The following CSMD3 variants were observed in gnomAD, a reference collection of about 807,000 sequenced individuals.
CSMD3 encodes the protein CUB and Sushi multiple domains 3, also known as CUB and sushi domain-containing protein 3.
Under a neutral mutation model 435.2 loss-of-function variants are expected in CSMD3, and 177 were observed. The observed-to-expected ratio is 0.41, with a 90% CI of 0.36 to 0.46. The LOEUF (loss-of-function observed/expected upper bound fraction) is 0.46, where lower values mean the gene tolerates loss of function less well. CSMD3 is among the 20% of genes least tolerant of loss of function. The probability of loss-of-function intolerance (pLI) is 0.34; values close to 1 mark genes in which losing one functional copy is unlikely to be tolerated. For missense variants in CSMD3, 4,265 were observed against 4,504.6 expected (o/e 0.95, Z 1.52); for synonymous variants, 1,656 against 1,520.5 (o/e 1.09, Z -2.07).
chr8:113,203,766 C>T (rs977791212), intron 3 of CSMD3, among the ~76,000 whole-genome samples: 2 of 152,010 alleles, frequency 1.3e-5, no homozygotes, highest in Non-Finnish European at 2.9e-5. Flanking sequence ...TTGTAGATAA[C>T]ATGTACAGAC....
At chr8:113,343,896 T>C (rs1358977740) in intron 1 of CSMD3, among the ~76,000 whole-genome samples, 1 of 152,138 alleles carries the variant, frequency 6.6e-6, no homozygotes, top group Non-Finnish European at 1.5e-5. Flanking sequence ...CGTTATAATC[T>C]ATCTTATAAT....
At chr8:113,124,740 G>A (rs1200074896) in intron 4 of CSMD3, among the ~76,000 whole-genome samples, 1 of 151,864 alleles carries the variant, frequency 6.6e-6, no homozygotes, top group Non-Finnish European at 1.5e-5. Context: ...GCTTAATAAG[G>A]ACACTTGCCT....
At chr8:113,412,947 A>G (rs2094565898) in intron 1 of CSMD3, among the ~76,000 whole-genome samples, 1 of 152,146 alleles carries the variant, frequency 6.6e-6, no homozygotes, top group Non-Finnish European at 1.5e-5. Flanking sequence ...GTAATCACAA[A>G]TACGAGTGAA....
In CSMD3 at chr8:112,224,809, A is replaced by G. The variant is rs778227550; in HGVS notation, c.11086T>C (p.Phe3696Leu). The G allele has an allele frequency of 1.1e-5, 18 of 1,613,918 alleles. No individual in the cohort carries two copies. Among genetic ancestry groups the G allele is most frequent in the Non-Finnish European group, 1.4e-5 (16 of 1,179,920 alleles). ...AKSVEGKAVR[F>L]DPNLNTVCTM... is the part of the protein sequence containing the mutation. ...CAAACCGTGTTCAAGTTGGGATCAA[A>G]TCGTACCGCCTTCCCTTCCACTGAC... The change falls in exon 71 of 71, where the codon TTT (phenylalanine) becomes CTT (leucine). Residue 3696 changes from phenylalanine (F) to leucine (L), a missense_variant. By Grantham distance (22) the Phe-to-Leu change is conservative. Coordinates refer to ENST00000297405, the MANE Select transcript of CSMD3 (RefSeq NM_198123.2).
At chr8:112,648,796 C>T (rs974194651) in intron 19 of CSMD3, among the ~76,000 whole-genome samples, 10 of 152,134 alleles carry the variant, frequency 6.6e-5, no homozygotes, top group Admixed American at 6.5e-4. Flanking sequence ...TCAGGCCAAC[C>T]TTGTAGCTTT....
chr8:112,469,964 G>GA (rs892421163), intron 32 of CSMD3, among the ~76,000 whole-genome samples: 27 of 152,156 alleles, frequency 1.8e-4, no homozygotes, highest in South Asian at 4.1e-4. Context: ...CGTGGCAACA[G>GA]AAAAAAATTA....
intron 32 of CSMD3, among the ~76,000 whole-genome samples, chr8:112,417,810 C>T (rs1812073427): frequency 1.3e-5 from 2 of 152,114 alleles, no homozygotes; most frequent in East Asian, 1.9e-4. Context: ...ATCTTAATTC[C>T]TTCTGTTTCA....
intron 10 of CSMD3, among the ~76,000 whole-genome samples, chr8:112,892,851 C>T (rs1334850333): frequency 1.3e-5 from 2 of 151,302 alleles, no homozygotes; most frequent in Admixed American, 1.3e-4. Context: ...TGTTGCCTAC[C>T]TTAGAATGCG....
chr8:112,476,135 T>C (rs1473903395), intron 31 of CSMD3, among the ~76,000 whole-genome samples: 1 of 152,176 alleles, frequency 6.6e-6, no homozygotes. Flanking sequence ...AACCTCCACC[T>C]CCCAGGTTCA....
intron 11 of CSMD3, among the ~76,000 whole-genome samples, chr8:112,838,113 A>G (rs1482623234): frequency 6.6e-6 from 1 of 151,726 alleles, no homozygotes; most frequent in African/African-American, 2.4e-5. Context: ...ATCCAGTTGG[A>G]GACTATAGAG....
At position 112,944,155 on chromosome 8, in the gene CSMD3, A is replaced by T. The variant is rs1232515769; in HGVS notation, c.1508+3635T>A. Among the ~76,000 whole-genome samples the T allele has an allele frequency of 2.0e-5, 3 of 151,600 alleles. No individual in the cohort carries two copies. The Admixed American group carries it at 2.0e-4, about 10-fold the overall frequency. On this transcript the variant is annotated intron_variant, in intron 9 of 70. Transcript: ENST00000297405. ...CTCTCAGTCTTAAACTTTCTCTCCC[A>T]TCCATCCTCATCTCCTTATACACAC...
At chr8:112,512,238 T>C (rs899879859) in intron 28 of CSMD3, among the ~76,000 whole-genome samples, 1 of 152,244 alleles carries the variant, frequency 6.6e-6, no homozygotes, top group Non-Finnish European at 1.5e-5. Context: ...TTTGCTCAGA[T>C]GCATCAGATA....
intron 32 of CSMD3, among the ~76,000 whole-genome samples, chr8:112,417,465 T>C (rs1310410118): frequency 6.6e-6 from 1 of 152,186 alleles, no homozygotes; most frequent in Non-Finnish European, 1.5e-5. Flanking sequence ...GCTTTGTAAA[T>C]ATATATGTTC....
intron 9 of CSMD3, among the ~76,000 whole-genome samples, chr8:112,928,589 C>A (rs1436054385): frequency 1.3e-5 from 2 of 151,186 alleles, no homozygotes; most frequent in Non-Finnish European, 2.9e-5. Context: ...TTTCCAATTT[C>A]ATCCATGTCC....
At chr8:113,073,176 C>G (rs902201263) in intron 5 of CSMD3, among the ~76,000 whole-genome samples, 1 of 151,746 alleles carries the variant, frequency 6.6e-6, no homozygotes, top group African/African-American at 2.4e-5. Flanking sequence ...ATTTGAGATT[C>G]AACATACTAT....
chr8:113,139,961 T>C (rs543708374), intron 4 of CSMD3, among the ~76,000 whole-genome samples: 3 of 151,156 alleles, frequency 2.0e-5, no homozygotes, highest in African/African-American at 4.8e-5. Flanking sequence ...GCTTGACTTA[T>C]AGTCTTTTGG....
intron 38 of CSMD3, among the ~76,000 whole-genome samples, chr8:112,366,274 G>T (rs1471694772): frequency 6.6e-6 from 1 of 152,110 alleles, no homozygotes; most frequent in African/African-American, 2.4e-5. Flanking sequence ...GTTAACCAAA[G>T]CTTTTGCAGG....
chr8:113,220,122 T>C (rs1000939880), intron 3 of CSMD3, among the ~76,000 whole-genome samples: 1 of 151,470 alleles, frequency 6.6e-6, no homozygotes, highest in Admixed American at 6.6e-5. Context: ...AAATACTCTG[T>C]TAGTGAGGTT....
intron 3 of CSMD3, among the ~76,000 whole-genome samples, chr8:113,235,062 G>T (rs969536048): frequency 6.6e-6 from 1 of 152,044 alleles, no homozygotes; most frequent in Non-Finnish European, 1.5e-5. Flanking sequence ...CAGGAGCTGG[G>T]GACATTTCCT....
Sources: gnomAD v4.1 joint callset for allele counts (sites outside exome capture counted in the v4.1 genomes callset) on GRCh38, gnomAD v4.1.1 for gene constraint, MANE v1.5 for transcripts, NCBI Gene and HGNC (gene_info 2026-07-23, HGNC 2026-07-21) for gene names.